Variants in GPR35 observed in about 807,000 individuals in gnomAD.
The protein encoded by GPR35 is G protein-coupled receptor 35.
For synonymous variants in GPR35, 207 were observed against 198.4 expected (o/e 1.04, Z -0.36); for missense variants, 372 against 422.5 (o/e 0.88, Z 1.05).
chr2:240,613,776 C>G (rs1341417055), intron 2 of GPR35, among the ~76,000 whole-genome samples: 1 of 151,584 alleles, frequency 6.6e-6, no homozygotes, highest in Non-Finnish European at 1.5e-5. Flanking sequence ...AACCCTAACT[C>G]TAACCCTAAC....
chr2:240,617,695 A>G (rs1328700785), intron 4 of GPR35: 2 of 172,470 alleles, frequency 1.2e-5, no homozygotes, highest in Admixed American at 1.1e-4. Flanking sequence ...AACAATGACT[A>G]ATGAGTTTTT....
At chr2:240,611,805 G>C (rs1033336102) in intron 2 of GPR35, among the ~76,000 whole-genome samples, 9 of 152,310 alleles carry the variant, frequency 5.9e-5, no homozygotes, top group African/African-American at 1.7e-4. Context: ...GCTGGCTCTA[G>C]GGGTGAAGGG....
chr2:240,612,363 C>G (rs2043190036), intron 2 of GPR35, among the ~76,000 whole-genome samples: 1 of 138,452 alleles, frequency 7.2e-6, no homozygotes, highest in Non-Finnish European at 1.5e-5. Context: ...GGAGGCGGAG[C>G]TTGAAGTGAG....
chr2:240,625,830 T>TCTCAGAGAGGGGTGAGGCTGTGATGGGG (rs2043366640), intron 1 of GPR35, among the ~76,000 whole-genome samples: 1 of 16,174 alleles, frequency 6.2e-5, no homozygotes, highest in African/African-American at 2.3e-4. Flanking sequence ...CTGTGATGGG[T>TCTCAGAGAGGGGTGAGGCTGTGATGGGG]GTCTCAGAGT....
At chr2:240,626,853 G>A (rs758483364) in intron 1 of GPR35, among the ~76,000 whole-genome samples, 6 of 152,198 alleles carry the variant, frequency 3.9e-5, no homozygotes, top group Non-Finnish European at 8.8e-5. Flanking sequence ...GCGGGTCCCG[G>A]GTCCAGACAG....
chr2:240,631,255 T>G lies in GPR35; in HGVS notation c.*373T>G. 2 of 275,464 alleles carry G rather than the reference T, an allele frequency of 7.3e-6. No homozygotes were observed. Among genetic ancestry groups the G allele is most frequent in the Non-Finnish European group, 1.5e-5 (2 of 135,794 alleles). The allele number at this position is 275,464 out of a possible 1,614,324, so 17.1% of individuals were successfully genotyped here. A position where few individuals can be genotyped will look rare whatever the true frequency, so the allele number is the denominator to read the frequency against. On this transcript the variant is annotated 3_prime_UTR_variant, in exon 2 of 2. Transcript: ENST00000407714. ...AATAAAACTCCCCACCCAGAGTCAG[T>G]CCTAGTGGGGCCCTCTGTGTTTCGC...
At chr2:240,623,302 C>CGTG (rs1491310169), upstream of GPR35, among the ~76,000 whole-genome samples, 33 of 113,022 alleles carry the variant, frequency 2.9e-4, no homozygotes, top group East Asian at 1.4e-3. Flanking sequence ...GGAAACAGGT[C>CGTG]ATGAGGGCGC....
In GPR35 at chr2:240,633,140, A is replaced by T. The variant is rs1173015030; in HGVS notation, c.*2258A>T. 1.3e-5 allele frequency among the ~76,000 whole-genome samples: 2 copies of T among 151,944 alleles called. No individual in the cohort carries two copies. The highest frequency in any genetic ancestry group is 2.9e-5 in the Non-Finnish European group (2 of 67,996). ...CCATGCTGAAGTGTGAGTCAATTAA[A>T]CCTCTTTCCTTTAAAATTACCCAGT... is the stretch of plus-strand genomic sequence containing the variant. On this transcript the variant is annotated 3_prime_UTR_variant, in exon 2 of 2. Coordinates refer to ENST00000407714, the MANE Select transcript of GPR35 (RefSeq NM_005301.5).
rs773286501 is a variant in GPR35 at position 240,630,636 on chromosome 2, C to G, written c.684C>G (p.Val228=). Residue 228 remains valine (V), a synonymous_variant, in exon 2 of 2, where the codon GTC becomes GTG. Transcript: ENST00000407714. ...MVWANLLVFV[V]CFLPLHVGLT... ...GGGCCAACCTCCTGGTGTTCGTGGTCTGCTTCCTGCCCCTGCACGTGGGGC... is the reference window on the plus strand; with the variant it reads ...GGGCCAACCTCCTGGTGTTCGTGGTGTGCTTCCTGCCCCTGCACGTGGGGC... 2 of 1,613,008 alleles carry G rather than the reference C, an allele frequency of 1.2e-6. No homozygotes were observed. The highest frequency in any genetic ancestry group is 1.7e-6 in the Non-Finnish European group (2 of 1,180,018).
At chr2:240,623,779 C>G (rs1212400639), upstream of GPR35, among the ~76,000 whole-genome samples, 2 of 152,132 alleles carry the variant, frequency 1.3e-5, no homozygotes, top group African/African-American at 4.8e-5. Flanking sequence ...CAGAGACAGT[C>G]AGAGTCTCTA....
At chr2:240,613,640 A>G (rs1468249657) in intron 2 of GPR35, among the ~76,000 whole-genome samples, 1 of 152,010 alleles carries the variant, frequency 6.6e-6, no homozygotes, top group Non-Finnish European at 1.5e-5. Flanking sequence ...CGAAAACTCT[A>G]ACCCTAACCC....
chr2:240,622,657 T>G (rs1180632960), upstream of GPR35, among the ~76,000 whole-genome samples: 1 of 152,238 alleles, frequency 6.6e-6, no homozygotes, highest in African/African-American at 2.4e-5. Context: ...TAGATAGGGC[T>G]GCAGGGGTGG....
chr2:240,616,651 A>AC (rs368490660), intron 3 of GPR35: 46 of 640,248 alleles, frequency 7.2e-5, no homozygotes, highest in African/African-American at 4.6e-4. Context: ...CTGCCAAGAG[A>AC]CCCCCCAGTG....
chr2:240,626,464 G>A (rs2043380168), intron 1 of GPR35, among the ~76,000 whole-genome samples: 1 of 151,992 alleles, frequency 6.6e-6, no homozygotes, highest in East Asian at 1.9e-4. Context: ...AGTGAGGTGA[G>A]GCTGTGTTGG....
chr2:240,619,707 C>T (rs113032210), intron 5 of GPR35, among the ~76,000 whole-genome samples: 4 of 152,336 alleles, frequency 2.6e-5, no homozygotes, highest in East Asian at 1.9e-4. Context: ...ACACACACTC[C>T]GCTCTCAAGA....
At position 240,630,435 on chromosome 2, in the gene GPR35, C is replaced by T; in HGVS notation, c.483C>T (p.Phe161=). Residue 161 remains phenylalanine (F), a synonymous_variant, in exon 2 of 2, where the codon TTC becomes TTT. Coordinates refer to ENST00000407714, the MANE Select transcript of GPR35 (RefSeq NM_005301.5). ...RWLLGIQEGG[F]CFRSTRHNFN... ...TCCTGGGGATTCAGGAGGGCGGCTT[C>T]TGCTTCAGGAGCACCCGGCACAATT... 1 of 1,612,804 alleles carries T rather than the reference C, an allele frequency of 6.2e-7. No homozygotes were observed. Among genetic ancestry groups the T allele is most frequent in the East Asian group, 2.2e-5 (1 of 44,860 alleles).
Position 240,631,949 on chromosome 2 carries a change from G to A in GPR35, c.*1067G>A, listed in dbSNP as rs992121730. Among the ~76,000 whole-genome samples the A allele has an allele frequency of 3.6e-5, 5 of 140,040 alleles. No individual in the cohort carries two copies. The highest frequency in any genetic ancestry group is 8.0e-5 in the Non-Finnish European group (5 of 62,530). 91.9% of individuals were successfully genotyped at this position (140,040 alleles called of 152,430 possible). A position where few individuals can be genotyped will look rare whatever the true frequency, so the allele number is the denominator to read the frequency against. ...TGGCAGGGACATGGCACAAGCATGC[G>A]GCTGATGGCATCTCACAGGACCCAG... On this transcript the variant is annotated 3_prime_UTR_variant, in exon 2 of 2. Coordinates refer to ENST00000407714, the MANE Select transcript of GPR35 (RefSeq NM_005301.5).
At chr2:240,609,273 G>A (rs1256731449) in intron 2 of GPR35, among the ~76,000 whole-genome samples, 1 of 151,506 alleles carries the variant, frequency 6.6e-6, no homozygotes, top group Non-Finnish European at 1.5e-5. Flanking sequence ...TGGTGTTGTT[G>A]TTTTCTAGAT....
chr2:240,617,442 AATAG>A lies in GPR35; in HGVS notation c.-149+53_-149+56del, dbSNP rs2043250570. 3 of 578,724 alleles carry A rather than the reference AATAG, an allele frequency of 5.2e-6. No individual in the cohort carries two copies. The South Asian group carries it at 6.3e-5, about 12-fold the overall frequency. The allele number at this position is 578,724 out of a possible 1,614,324, so 35.8% of individuals were successfully genotyped here. A position where few individuals can be genotyped will look rare whatever the true frequency, so the allele number is the denominator to read the frequency against. On this transcript the variant is annotated intron_variant, in intron 4 of 5. Transcript: ENST00000319838. Reference sequence around the variant, plus strand: ...GTAGCTGACAATGCACAGCTAAAATAATAGATAATTAACCCTAATGCTAGTTTCA... The same window carrying A: ...GTAGCTGACAATGCACAGCTAAAATAATAATTAACCCTAATGCTAGTTTCA...
Sources: allele counts gnomAD v4.1 joint callset (sites outside exome capture counted in the v4.1 genomes callset), GRCh38; gene constraint gnomAD v4.1.1; transcripts MANE v1.5; gene names NCBI Gene and HGNC (gene_info 2026-07-23, HGNC 2026-07-21).